The following CSMD1 variants were observed in gnomAD, a reference collection of about 807,000 sequenced individuals.
The protein encoded by CSMD1 is CUB and sushi domain-containing protein 1.
CSMD1 carries 213 observed loss-of-function variants against 417.5 expected under a neutral mutation model. That is an observed-to-expected ratio of 0.51 (90% confidence interval 0.46 to 0.57). The LOEUF (loss-of-function observed/expected upper bound fraction) is 0.57, where lower values mean the gene tolerates loss of function less well. CSMD1 is among the 20% of genes least tolerant of loss of function. The pLI is 0.00. For synonymous variants in CSMD1, 2,862 were observed against 1,736.8 expected (o/e 1.65, Z -16.11); for missense variants, 6,923 against 4,529.7 (o/e 1.53, Z -15.17).
In CSMD1 at chr8:3,039,360, TCC is replaced by T. The variant is rs1563266969; in HGVS notation, c.7661-9849_7661-9848del. Among the ~76,000 whole-genome samples, 304 of 146,978 alleles carry T rather than the reference TCC, an allele frequency of 2.1e-3. 1 individual carries two copies. Among genetic ancestry groups the T allele is most frequent in the African/African-American group, 7.4e-3 (285 of 38,378 alleles). On this transcript the variant is annotated intron_variant, in intron 50 of 69. Transcript: ENST00000635120. The stretch of plus-strand genomic sequence containing the variant: ...CTTCCTTTCCGCCTTCCTTCCTTCC[TCC>T]TTTACTTTCCTTTCTTCCTTCCTTC...
intron 3 of CSMD1, among the ~76,000 whole-genome samples, chr8:4,182,590 C>T (rs1030837992): frequency 6.6e-6 from 1 of 152,090 alleles, no homozygotes; most frequent in African/African-American, 2.4e-5. Flanking sequence ...ATTTAGCATT[C>T]TACTCTGAGG....
intron 69 of CSMD1, 56 bp downstream of exon 69, chr8:2,942,416 T>A (rs1801940332): frequency 6.6e-7 from 1 of 1,509,234 alleles, no homozygotes; most frequent in African/African-American, 1.4e-5. Context: ...GCCCATTACT[T>A]TAAACCCATA....
intron 1 of CSMD1, among the ~76,000 whole-genome samples, chr8:4,837,777 A>G (rs1236380464): frequency 1.3e-5 from 2 of 152,220 alleles, no homozygotes; most frequent in Non-Finnish European, 1.5e-5. Flanking sequence ...TGTAACTCAA[A>G]GGATAAATGC....
intron 5 of CSMD1, among the ~76,000 whole-genome samples, chr8:3,943,432 A>AT (rs552421047): frequency 6.6e-6 from 1 of 151,412 alleles, no homozygotes; most frequent in South Asian, 2.1e-4. Flanking sequence ...TTAAAAAAAA[A>AT]AAAACAGAAT....
chr8:3,604,620 G>C (rs375805935), intron 8 of CSMD1, among the ~76,000 whole-genome samples: 2 of 152,044 alleles, frequency 1.3e-5, no homozygotes, highest in African/African-American at 4.8e-5. Context: ...AAAATAGTAA[G>C]CAAGAAAAGG....
At chr8:3,323,119 GT>G (rs1332966657) in intron 23 of CSMD1, among the ~76,000 whole-genome samples, 1 of 152,066 alleles carries the variant, frequency 6.6e-6, no homozygotes, top group Non-Finnish European at 1.5e-5. Flanking sequence ...CTAACATTGT[GT>G]TTTTGTCTAA....
At chr8:3,154,901 T>G (rs1444050658) in intron 39 of CSMD1, among the ~76,000 whole-genome samples, 1 of 152,136 alleles carries the variant, frequency 6.6e-6, no homozygotes, top group Admixed American at 6.6e-5. Context: ...AATTCCCCAG[T>G]TTGGAGTAAT....
intron 3 of CSMD1, among the ~76,000 whole-genome samples, chr8:4,038,079 A>C (rs1490379640): frequency 6.6e-6 from 1 of 152,182 alleles, no homozygotes; most frequent in Non-Finnish European, 1.5e-5. Flanking sequence ...TGGAAGTAAA[A>C]TAACTCAGCA....
chr8:4,183,077 C>G (rs966137803), intron 3 of CSMD1, among the ~76,000 whole-genome samples: 1 of 152,152 alleles, frequency 6.6e-6, no homozygotes, highest in Non-Finnish European at 1.5e-5. Context: ...AGATGTCACA[C>G]TCATATCACA....
At chr8:4,779,877 G>C (rs900687863) in intron 1 of CSMD1, among the ~76,000 whole-genome samples, 17 of 152,178 alleles carry the variant, frequency 1.1e-4, no homozygotes, top group Admixed American at 9.2e-4. Context: ...CCCCAGGCTT[G>C]CTGCTTCGGG....
At chr8:4,786,196 TAAGC>T (rs890650605) in intron 1 of CSMD1, among the ~76,000 whole-genome samples, 6 of 152,344 alleles carry the variant, frequency 3.9e-5, no homozygotes, top group African/African-American at 1.4e-4. Flanking sequence ...TCTTGGCTCT[TAAGC>T]AAGAATCTTA....
At chr8:4,029,218 G>A (rs554811911) in intron 4 of CSMD1, among the ~76,000 whole-genome samples, 4 of 152,334 alleles carry the variant, frequency 2.6e-5, no homozygotes, top group African/African-American at 7.2e-5. Context: ...AAAATAGGCA[G>A]AAATCCATGA....
intron 23 of CSMD1, among the ~76,000 whole-genome samples, chr8:3,323,322 T>C (rs2117490386): frequency 6.6e-6 from 1 of 152,244 alleles, no homozygotes; most frequent in Non-Finnish European, 1.5e-5. Flanking sequence ...CCTTCCCCAT[T>C]TTCCCAAGTC....
chr8:3,099,651 C>T (rs566891505), intron 46 of CSMD1, among the ~76,000 whole-genome samples: 6 of 152,314 alleles, frequency 3.9e-5, no homozygotes, highest in African/African-American at 1.4e-4. Context: ...GAAACCTTTA[C>T]TGAGTTGCTA....
intron 1 of CSMD1, among the ~76,000 whole-genome samples, chr8:4,861,884 A>G (rs1802156710): frequency 6.6e-6 from 1 of 152,118 alleles, no homozygotes; most frequent in African/African-American, 2.4e-5. Context: ...GAAGAGAGAC[A>G]GAGGGAGAAC....
chr8:4,787,489 A>T (rs1797466796), intron 1 of CSMD1: 13 of 887,374 alleles, frequency 1.5e-5, no homozygotes, highest in Non-Finnish European at 2.4e-5. Context: ...TCTCAAAGAA[A>T]ATCACCAGTT....
chr8:4,218,285 A>C (rs1800806209), intron 3 of CSMD1, among the ~76,000 whole-genome samples: 1 of 152,210 alleles, frequency 6.6e-6, no homozygotes, highest in Non-Finnish European at 1.5e-5. Flanking sequence ...AATACATCCA[A>C]GTTTGACTTT....
chr8:4,599,429 T>A (rs1389815920), intron 2 of CSMD1, among the ~76,000 whole-genome samples: 1 of 151,976 alleles, frequency 6.6e-6, no homozygotes, highest in South Asian at 2.1e-4. Flanking sequence ...AATCCTAAAT[T>A]GGAGTAAATT....
At chr8:3,752,045 C>A (rs1257077553) in intron 6 of CSMD1, among the ~76,000 whole-genome samples, 1 of 152,116 alleles carries the variant, frequency 6.6e-6, no homozygotes, top group Non-Finnish European at 1.5e-5. Context: ...CTCTACCAGA[C>A]CACATGGAGT....
Sources: gnomAD v4.1 joint callset for allele counts (sites outside exome capture counted in the v4.1 genomes callset) on GRCh38, gnomAD v4.1.1 for gene constraint, MANE v1.5 for transcripts, NCBI Gene and HGNC (gene_info 2026-07-23, HGNC 2026-07-21) for gene names.